The following OR5H14 variants were observed in gnomAD, a reference collection of about 807,000 sequenced individuals.
The protein encoded by OR5H14 is olfactory receptor 5H14.
For missense variants in OR5H14, 392 were observed against 363.9 expected (o/e 1.08, Z -0.63); for synonymous variants, 155 against 130.6 (o/e 1.19, Z -1.28).
At position 98,151,383 on chromosome 3, in the gene OR5H14, A is replaced by G. The variant is rs1205524123; in HGVS notation, c.*1065A>G. On this transcript the variant is annotated 3_prime_UTR_variant, in exon 2 of 2. Coordinates refer to ENST00000641380, the MANE Select transcript of OR5H14 (RefSeq NM_001005514.2). ...TCTTCTTCTCACTTCATATTCTTGAAGTATGTGAGTCATCCATCTGCCATT... is the reference window on the plus strand; with the variant it reads ...TCTTCTTCTCACTTCATATTCTTGAGGTATGTGAGTCATCCATCTGCCATT... 1 of 152,134 alleles carries G rather than the reference A, an allele frequency of 6.6e-6. No homozygotes were observed. Among genetic ancestry groups the G allele is most frequent in the Non-Finnish European group, 1.5e-5 (1 of 68,012 alleles). The allele number at this position is 152,134 out of a possible 1,614,324, so 9.4% of individuals were successfully genotyped here.
chr3:98,149,812 C>G lies in OR5H14; in HGVS notation c.427C>G (p.Arg143Gly), dbSNP rs146577101. ...CATTATGACCAATGGACTGTGCATC[C>G]GGCTATTAATCTTGTCATATGTAGG... ...PAIMTNGLCI[R>G]LLILSYVGGL... Residue 143 changes from arginine to glycine, a missense_variant, in exon 2 of 2, where the codon CGG (arginine) becomes GGG (glycine). By Grantham distance (125) the Arg-to-Gly change is moderately radical. Coordinates refer to ENST00000641380, the MANE Select transcript of OR5H14 (RefSeq NM_001005514.2). The G allele has an allele frequency of 1.3e-6, 2 of 1,493,508 alleles. No homozygotes were observed. The highest frequency in any genetic ancestry group is 2.2e-5 in the East Asian group (1 of 44,788). 92.5% of individuals were successfully genotyped at this position (1,493,508 alleles called of 1,614,324 possible).
rs1351164297 is a variant in OR5H14, at chr3:98,154,315, T to A, written c.*3997T>A. On this transcript the variant is annotated 3_prime_UTR_variant, in exon 2 of 2. Transcript: ENST00000641380. ...TTGGATCTTTCCTGTCTACCTTAGG[T>A]ACCTCACGTTTGGCTTCAGCTATAG... is the stretch of plus-strand genomic sequence containing the variant. The A allele has an allele frequency of 6.6e-6, 1 of 152,210 alleles. No individual in the cohort carries two copies. The highest frequency in any genetic ancestry group is 1.5e-5 in the Non-Finnish European group (1 of 68,034). 9.4% of individuals were successfully genotyped at this position (152,210 alleles called of 1,614,324 possible).
At chr3:98,148,147 A>G (rs1708446731) in intron 1 of OR5H14, 1 of 151,774 alleles carries the variant, frequency 6.6e-6, no homozygotes, top group Non-Finnish European at 1.5e-5. Context: ...TTGCCATCCT[A>G]GATCATGTCC....
Position 98,151,758 on chromosome 3 carries a change from G to A in OR5H14, c.*1440G>A, listed in dbSNP as rs990411153. On this transcript the variant is annotated 3_prime_UTR_variant, in exon 2 of 2. Transcript: ENST00000641380. Reference sequence around the variant, plus strand: ...TTTTTGGCTAAAGTGGAGCAGTAGCGTTATTTGGATTATTCCAGTAGAAAG... The same window carrying A: ...TTTTTGGCTAAAGTGGAGCAGTAGCATTATTTGGATTATTCCAGTAGAAAG... 25 of 152,114 alleles carry A rather than the reference G, an allele frequency of 1.6e-4. No homozygotes were observed. Among genetic ancestry groups the A allele is most frequent in the African/African-American group, 5.3e-4 (22 of 41,430 alleles). 9.4% of individuals were successfully genotyped at this position (152,114 alleles called of 1,614,324 possible).
intron 1 of OR5H14, chr3:98,147,907 T>G (rs888872076): frequency 1.3e-5 from 2 of 152,036 alleles, no homozygotes; most frequent in African/African-American, 4.8e-5. Flanking sequence ...ACCCATTCCT[T>G]TTAATTAACT....
In OR5H14 at chr3:98,149,921, G is replaced by T; in HGVS notation, c.536G>T (p.Cys179Phe). 6.2e-7 allele frequency: 1 copy of T among 1,613,350 alleles called. No individual in the cohort carries two copies. The change falls in exon 2 of 2, where the codon TGT becomes TTT. Residue 179 changes from cysteine to phenylalanine, a missense_variant. By Grantham distance (205) the Cys-to-Phe change is radical (BLOSUM62 -2). Coordinates refer to ENST00000641380, the MANE Select transcript of OR5H14 (RefSeq NM_001005514.2). ...TCCAACATAATACAACACTTTTACT[G>T]TGACATTATCCCATTGTTAAAGATT... is the stretch of plus-strand genomic sequence containing the variant. Reference protein sequence around the residue: ...CNSNIIQHFYCDIIPLLKISY... With the variant: ...CNSNIIQHFYFDIIPLLKISY...
rs910145080 is a variant in OR5H14 at position 98,153,389 on chromosome 3, C to T, written c.*3071C>T. The T allele has an allele frequency of 2.0e-5, 3 of 152,200 alleles. No individual in the cohort carries two copies. Among genetic ancestry groups the T allele is most frequent in the African/African-American group, 4.8e-5 (2 of 41,438 alleles). The allele number at this position is 152,200 out of a possible 1,614,324, so 9.4% of individuals were successfully genotyped here. Reference sequence around the variant, plus strand: ...TGGAGGTCAGGAGTTCCAGACAAGCCTAGCCAACATGGTGAAACCCCATCT... The same window carrying T: ...TGGAGGTCAGGAGTTCCAGACAAGCTTAGCCAACATGGTGAAACCCCATCT... On this transcript the variant is annotated 3_prime_UTR_variant, in exon 2 of 2. Coordinates refer to ENST00000641380, the MANE Select transcript of OR5H14 (RefSeq NM_001005514.2).
In OR5H14 at chr3:98,152,222, T is replaced by A. The variant is rs7644316; in HGVS notation, c.*1904T>A. 0.61 allele frequency: 93,103 copies of A among 152,006 alleles called. 29,518 individuals are homozygous for A. The highest frequency in any genetic ancestry group is 0.79 in the African/African-American group (32,778 of 41,474). The allele number at this position is 152,006 out of a possible 1,614,324, so 9.4% of individuals were successfully genotyped here. On this transcript the variant is annotated 3_prime_UTR_variant, in exon 2 of 2. Transcript: ENST00000641380. ...TGGTGGGAGTGTAATTAGTTCAACC[T>A]TTGTGGAAGACAGTGCGGTGATTCC...
In OR5H14 at chr3:98,150,493, A is replaced by T. The variant is rs1708490689; in HGVS notation, c.*175A>T. On this transcript the variant is annotated 3_prime_UTR_variant, in exon 2 of 2. Coordinates refer to ENST00000641380, the MANE Select transcript of OR5H14 (RefSeq NM_001005514.2). The stretch of plus-strand genomic sequence containing the variant: ...ATTAAAATATTCCTATGTTATTCAA[A>T]AGGATTTGAGAAATTTTAATCAAGT... 4.5e-6 allele frequency: 2 copies of T among 443,666 alleles called. No homozygotes were observed. The highest frequency in any genetic ancestry group is 4.0e-5 in the African/African-American group (2 of 49,542). 27.5% of individuals were successfully genotyped at this position (443,666 alleles called of 1,614,324 possible).
Position 98,149,429 on chromosome 3 carries a change from C to G in OR5H14, c.44C>G (p.Thr15Arg), listed in dbSNP as rs761561174. The G allele has an allele frequency of 6.2e-6, 10 of 1,613,118 alleles. No individual in the cohort carries two copies. The Admixed American group carries it at 1.7e-4, about 27-fold the overall frequency. Residue 15 changes from threonine (T) to arginine (R), a missense_variant, in exon 2 of 2, where the codon ACA (threonine) becomes AGA (arginine). By Grantham distance (71) the Thr-to-Arg change is moderately conservative. Coordinates refer to ENST00000641380, the MANE Select transcript of OR5H14 (RefSeq NM_001005514.2). The part of the protein sequence containing the change: ...NATLLTEFVL[T>R]GFLYQPQWKI... ...ACATTGCTGACAGAGTTTGTTCTCA[C>G]AGGATTTTTATATCAACCACAGTGG...
Position 98,154,259 on chromosome 3 carries a change from C to T in OR5H14, c.*3941C>T, listed in dbSNP as rs1708549484. ...AGGATTATTTGTTATTTTCCCAACC[C>T]TTTTTGTTCCTTTTCTGGAAGATTG... On this transcript the variant is annotated 3_prime_UTR_variant, in exon 2 of 2. Coordinates refer to ENST00000641380, the MANE Select transcript of OR5H14 (RefSeq NM_001005514.2). The T allele has an allele frequency of 6.7e-6, 1 of 150,368 alleles. No homozygotes were observed. Among genetic ancestry groups the T allele is most frequent in the African/African-American group, 2.5e-5 (1 of 40,696 alleles). The allele number at this position is 150,368 out of a possible 1,614,324, so 9.3% of individuals were successfully genotyped here.
chr3:98,149,770 C>G lies in OR5H14; in HGVS notation c.385C>G (p.Pro129Ala). Residue 129 changes from proline (P) to alanine (A), a missense_variant, in exon 2 of 2, where the codon CCC (proline) becomes GCC (alanine). Physicochemically the swap from Pro to Ala is conservative, Grantham distance 27. Coordinates refer to ENST00000641380, the MANE Select transcript of OR5H14 (RefSeq NM_001005514.2). ...AYDRYVAICK[P>A]LLYPAIMTNG... ...TGATCGCTATGTAGCCATATGCAAACCCTTACTTTATCCAGCCATTATGAC... is the reference window on the plus strand; with the variant it reads ...TGATCGCTATGTAGCCATATGCAAAGCCTTACTTTATCCAGCCATTATGAC... The G allele has an allele frequency of 6.2e-7, 1 of 1,612,678 alleles. No individual in the cohort carries two copies.
rs1231483010 is a variant in OR5H14, at chr3:98,149,234, G to T, written c.-18-134G>T. On this transcript the variant is annotated intron_variant, in intron 1 of 1. Transcript: ENST00000641380. ...TTTTCATTTCTTTAACCCCTTATAG[G>T]ATTTCTTATTTATAATAATGATCAA... is the stretch of plus-strand genomic sequence containing the variant. 6.1e-6 allele frequency: 6 copies of T among 981,050 alleles called. No individual in the cohort carries two copies. The African/African-American group carries it at 8.4e-5, about 14-fold the overall frequency. 60.8% of individuals were successfully genotyped at this position (981,050 alleles called of 1,614,324 possible). A position where few individuals can be genotyped will look rare whatever the true frequency, so the allele number is the denominator to read the frequency against.
intron 1 of OR5H14, among the ~76,000 whole-genome samples, chr3:98,148,847 G>A (rs72927981): frequency 0.03 from 4,487 of 151,888 alleles, 211 homozygotes; most frequent in African/African-American, 0.097. Flanking sequence ...GTGTGATCTG[G>A]TTTGGGATTG....
chr3:98,148,093 T>G (rs1708446199), intron 1 of OR5H14: 1 of 151,872 alleles, frequency 6.6e-6, no homozygotes, highest in African/African-American at 2.4e-5. Flanking sequence ...AACCAAAACC[T>G]TTCTGTGTCT....
In OR5H14 at chr3:98,151,301, A is replaced by G. The variant is rs1351604666; in HGVS notation, c.*983A>G. On this transcript the variant is annotated 3_prime_UTR_variant, in exon 2 of 2. Transcript: ENST00000641380. Reference sequence around the variant, plus strand: ...TCATAGTGCCCAGTGATTGGAGAGAAAAACATGAAAATGAGGAAGAGTTCG... The same window carrying G: ...TCATAGTGCCCAGTGATTGGAGAGAGAAACATGAAAATGAGGAAGAGTTCG... 1.3e-5 allele frequency: 2 copies of G among 152,166 alleles called. No individual in the cohort carries two copies. Among genetic ancestry groups the G allele is most frequent in the South Asian group, 2.1e-4 (1 of 4,828 alleles). The allele number at this position is 152,166 out of a possible 1,614,324, so 9.4% of individuals were successfully genotyped here.
In OR5H14 at chr3:98,155,398, C is replaced by G. The variant is rs4591534; in HGVS notation, c.*5080C>G. On this transcript the variant is annotated 3_prime_UTR_variant, in exon 2 of 2. Coordinates refer to ENST00000641380, the MANE Select transcript of OR5H14 (RefSeq NM_001005514.2). ...AAAGATCTCATTAGGTGGTTCCGTA[C>G]AGAGAGGGAGCAGTTGGAGTTAAGT... The G allele has an allele frequency of 0.64, 96,411 of 151,818 alleles. 31,846 individuals are homozygous for G. The highest frequency in any genetic ancestry group is 0.86 in the African/African-American group (35,656 of 41,428). The allele number at this position is 151,818 out of a possible 1,614,324, so 9.4% of individuals were successfully genotyped here.
Position 98,154,312 on chromosome 3 carries a change from A to T in OR5H14, c.*3994A>T, listed in dbSNP as rs1047622967. ...GGGTTGGATCTTTCCTGTCTACCTT[A>T]GGTACCTCACGTTTGGCTTCAGCTA... On this transcript the variant is annotated 3_prime_UTR_variant, in exon 2 of 2. Transcript: ENST00000641380. The T allele has an allele frequency of 6.6e-6, 1 of 152,210 alleles. No individual in the cohort carries two copies. The highest frequency in any genetic ancestry group is 6.5e-5 in the Admixed American group (1 of 15,274). 9.4% of individuals were successfully genotyped at this position (152,210 alleles called of 1,614,324 possible).
Position 98,150,032 on chromosome 3 carries a change from T to A in OR5H14, c.647T>A (p.Ile216Lys). 6.2e-7 allele frequency: 1 copy of A among 1,612,924 alleles called. No homozygotes were observed. The highest frequency in any genetic ancestry group is 8.5e-7 in the Non-Finnish European group (1 of 1,179,514). Residue 216 changes from isoleucine to lysine, a missense_variant, in exon 2 of 2, where the codon ATA (isoleucine) becomes AAA (lysine). Physicochemically the swap from Ile to Lys is moderately radical, Grantham distance 102. Transcript: ENST00000641380. Reference protein sequence around the residue: ...IQVFTIGTVLISYIFVLYTIL... With the variant: ...IQVFTIGTVLKSYIFVLYTIL... ...GTTTTTACCATAGGGACTGTTCTTA[T>A]ATCTTACATATTTGTCCTCTATACA...
Sources: gnomAD v4.1 joint callset for allele counts (sites outside exome capture counted in the v4.1 genomes callset) on GRCh38, gnomAD v4.1.1 for gene constraint, MANE v1.5 for transcripts, NCBI Gene and HGNC (gene_info 2026-07-23, HGNC 2026-07-21) for gene names.